Variants in PTPRN2 observed in about 807,000 individuals in gnomAD.
PTPRN2 encodes the protein protein tyrosine phosphatase receptor type N2, also known as receptor-type tyrosine-protein phosphatase N2.
A neutral mutation model predicts 118.8 loss-of-function variants in PTPRN2; 74 were observed. That is an observed-to-expected ratio of 0.62 (90% CI 0.52 to 0.76). The LOEUF (loss-of-function observed/expected upper bound fraction) is 0.76, where lower values mean the gene tolerates loss of function less well. PTPRN2 is among the 30% of genes least tolerant of loss of function. The pLI is 0.00. For synonymous variants in PTPRN2, 641 were observed against 608.0 expected (o/e 1.05, Z -0.80); for missense variants, 1,481 against 1,394.4 (o/e 1.06, Z -0.99).
chr7:157,756,342 T>C (rs1242721592), intron 12 of PTPRN2, among the ~76,000 whole-genome samples: 1 of 151,934 alleles, frequency 6.6e-6, no homozygotes, highest in Non-Finnish European at 1.5e-5. Context: ...TCGCCCAGGC[T>C]GGAGTGCAGT....
intron 2 of PTPRN2, among the ~76,000 whole-genome samples, chr7:158,421,376 T>G (rs545045275): frequency 6.6e-6 from 1 of 152,246 alleles, no homozygotes; most frequent in South Asian, 2.1e-4. Context: ...TGACAAGCAC[T>G]GGGTTTTTGA....
chr7:157,767,213 C>A (rs1003083712), intron 12 of PTPRN2, among the ~76,000 whole-genome samples: 2 of 152,182 alleles, frequency 1.3e-5, no homozygotes, highest in Non-Finnish European at 2.9e-5. Flanking sequence ...GCTGGGCACA[C>A]AGCACTCCAC....
chr7:158,000,114 T>C (rs553476345), intron 11 of PTPRN2, among the ~76,000 whole-genome samples: 2 of 152,170 alleles, frequency 1.3e-5, no homozygotes, highest in African/African-American at 2.4e-5. Context: ...CTTGAACTCC[T>C]GACCTCAAAT....
chr7:157,755,221 G>T (rs1017835402), intron 12 of PTPRN2, among the ~76,000 whole-genome samples: 4 of 152,142 alleles, frequency 2.6e-5, no homozygotes, highest in Admixed American at 6.5e-5. Context: ...CTTTATGAAA[G>T]ATGTAAATAT....
At position 157,801,018 on chromosome 7, in the gene PTPRN2, CACACATATATAT is replaced by C. The variant is rs1315608115; in HGVS notation, c.1788+97643_1788+97654del. Reference sequence around the variant, plus strand: ...ATATATACACACATATACATATACACACACATATATATACACATATATATACACATATATACA... The same window carrying C: ...ATATATACACACATATACATATACACACACATATATATACACATATATACA... On this transcript the variant is annotated intron_variant, in intron 12 of 22. Transcript: ENST00000389418. The surrounding 1 kb of genome is among the most constrained non-coding windows in gnomAD (Gnocchi z 4.2). Among the ~76,000 whole-genome samples, 370 of 150,256 alleles carry C rather than the reference CACACATATATAT, an allele frequency of 2.5e-3. 1 individual carries two copies. Among genetic ancestry groups the C allele is most frequent in the African/African-American group, 6.3e-3 (258 of 40,782 alleles).
chr7:157,801,030 T>C lies in PTPRN2; in HGVS notation c.1788+97643A>G, dbSNP rs1157259001. On this transcript the variant is annotated intron_variant, in intron 12 of 22. Transcript: ENST00000389418. The surrounding 1 kb of genome is among the most constrained non-coding windows in gnomAD (Gnocchi z 4.2). The stretch of plus-strand genomic sequence containing the variant: ...ATATACATATACACACACATATATA[T>C]ACACATATATATACACATATATACA... 1.4e-5 allele frequency among the ~76,000 whole-genome samples: 2 copies of C among 147,766 alleles called. No homozygotes were observed. Among genetic ancestry groups the C allele is most frequent in the Admixed American group, 6.7e-5 (1 of 14,852 alleles).
intron 5 of PTPRN2, among the ~76,000 whole-genome samples, chr7:158,172,492 A>C (rs1391270325): frequency 6.7e-6 from 1 of 150,184 alleles, no homozygotes; most frequent in Non-Finnish European, 1.5e-5. Context: ...CATCAGCATC[A>C]TCCCACCATC....
intron 6 of PTPRN2, among the ~76,000 whole-genome samples, chr7:158,159,876 A>G (rs1585684944): frequency 1.3e-5 from 2 of 152,236 alleles, no homozygotes; most frequent in East Asian, 3.8e-4. Context: ...CTAGCAGGAC[A>G]TGGGTTTGGA....
At chr7:157,883,693 G>A (rs984915405) in intron 12 of PTPRN2, among the ~76,000 whole-genome samples, 2 of 149,422 alleles carry the variant, frequency 1.3e-5, no homozygotes, top group African/African-American at 5.0e-5. Flanking sequence ...ATGACTGTCA[G>A]AGACCAGAAC....
chr7:158,157,088 C>T (rs892322646), intron 6 of PTPRN2, among the ~76,000 whole-genome samples: 4 of 151,690 alleles, frequency 2.6e-5, no homozygotes, highest in Non-Finnish European at 5.9e-5. Flanking sequence ...CTCTGGAAGG[C>T]CTCCCCATTG....
chr7:158,249,015 T>C (rs1439493110), intron 3 of PTPRN2, among the ~76,000 whole-genome samples: 1 of 143,552 alleles, frequency 7.0e-6, no homozygotes, highest in African/African-American at 2.7e-5. Flanking sequence ...AGCACATATG[T>C]GCATACATAA....
chr7:157,561,239 C>T (rs567426614), intron 21 of PTPRN2, among the ~76,000 whole-genome samples: 16 of 152,310 alleles, frequency 1.1e-4, no homozygotes, highest in African/African-American at 3.6e-4. Context: ...TACTGCCCGG[C>T]CGGTCTCCCC....
chr7:158,138,765 C>G lies in PTPRN2; in HGVS notation c.911-250G>C, dbSNP rs551616865. 2.3e-4 allele frequency among the ~76,000 whole-genome samples: 35 copies of G among 152,328 alleles called. 1 individual carries two copies. Among genetic ancestry groups the G allele is most frequent in the Admixed American group, 2.0e-3 (31 of 15,306 alleles). On this transcript the variant is annotated intron_variant, in intron 6 of 22. Transcript: ENST00000389418. ...CCACAGAATGGAAGGACAGACTCAT[C>G]CACGCGCTCAGGAGGATGGAAAGCA...
Position 157,548,950 on chromosome 7 carries a change from G to T in PTPRN2, c.2972C>A (p.Thr991Lys). The change falls in exon 22 of 23, where the codon ACG (threonine) becomes AAG (lysine). Residue 991 changes from threonine (T) to lysine (K), a missense_variant. Transcript: ENST00000389418. ...LRDQRPGMVQ[T>K]KEQFEFALTA... ...CGGAGGAGAGACTGACAGTACCTTC[G>T]TCTGGACCATGCCGGGTCTCTGGTC... 3 of 1,614,034 alleles carry T rather than the reference G, an allele frequency of 1.9e-6. No individual in the cohort carries two copies. The highest frequency in any genetic ancestry group is 2.5e-6 in the Non-Finnish European group (3 of 1,179,878).
intron 6 of PTPRN2, among the ~76,000 whole-genome samples, chr7:158,142,540 G>A (rs142382376): frequency 2.6e-5 from 4 of 152,310 alleles, no homozygotes; most frequent in Non-Finnish European, 5.9e-5. Flanking sequence ...GGGAAACGCA[G>A]GGATTGGCAT....
chr7:158,071,864 GTCA>G (rs1811883119), intron 11 of PTPRN2, among the ~76,000 whole-genome samples: 1 of 7,102 alleles, frequency 1.4e-4, no homozygotes, highest in Non-Finnish European at 2.5e-4. Flanking sequence ...GGAGGTGCTC[GTCA>G]TATGGAGGTG....
At chr7:157,761,572 T>C (rs1038224793) in intron 12 of PTPRN2, among the ~76,000 whole-genome samples, 12 of 149,618 alleles carry the variant, frequency 8.0e-5, no homozygotes, top group Non-Finnish European at 1.5e-4. Context: ...ACTGGATCCC[T>C]TCCTTACACC....
intron 11 of PTPRN2, among the ~76,000 whole-genome samples, chr7:157,957,177 T>TCACC (rs1232890051): frequency 6.6e-6 from 1 of 152,026 alleles, no homozygotes. Context: ...GGGACAAGAG[T>TCACC]CACCCAAGGT....
rs1041106018 is a variant in PTPRN2 at position 157,583,236 on chromosome 7, C to T, written c.2497-5096G>A. 1.3e-5 allele frequency among the ~76,000 whole-genome samples: 2 copies of T among 152,074 alleles called. No individual in the cohort carries two copies. Among genetic ancestry groups the T allele is most frequent in the African/African-American group, 4.8e-5 (2 of 41,422 alleles). ...AAGCCGGACACAGAAGGACAGGCAC[C>T]CCATGATCTCACTCACATGTGGCAC... On this transcript the variant is annotated intron_variant, in intron 17 of 22. Coordinates refer to ENST00000389418, the MANE Select transcript of PTPRN2 (RefSeq NM_002847.5). This position sits in a 1 kb window ranked among gnomAD's most constrained non-coding sequence, Gnocchi z 5.5.
Sources: gnomAD v4.1 joint callset for allele counts (sites outside exome capture counted in the v4.1 genomes callset) on GRCh38, gnomAD v4.1.1 for gene constraint, Gnocchi (gnomAD v3.1) non-coding constraint, MANE v1.5 for transcripts, NCBI Gene and HGNC (gene_info 2026-07-23, HGNC 2026-07-21) for gene names.